Variants in SORBS2 observed in about 807,000 individuals in gnomAD.
The protein encoded by SORBS2 is sorbin and SH3 domain containing 2, also known as sorbin and SH3 domain-containing protein 2.
SORBS2 carries 46 observed loss-of-function variants against 97.7 expected under a neutral mutation model. That is an observed-to-expected ratio of 0.47 (90% CI 0.37 to 0.60). The LOEUF (loss-of-function observed/expected upper bound fraction) is 0.60. Among genes scored for constraint, SORBS2 ranks in the 20% least tolerant of loss-of-function variants. SORBS2 has a pLI of 0.00. For missense variants in SORBS2, 1,316 were observed against 1,282.3 expected, an observed-to-expected ratio of 1.03 and a Z score of -0.40; for synonymous variants, 476 against 473.4, an observed-to-expected ratio of 1.01 and a Z score of -0.07.
At chr4:185,696,643 T>C (rs1013787832) in intron 2 of SORBS2, among the ~76,000 whole-genome samples, 3 of 152,144 alleles carry the variant, frequency 2.0e-5, no homozygotes, top group Non-Finnish European at 4.4e-5. Flanking sequence ...GGTTTCACCA[T>C]GTTGGCCAGG....
Position 185,865,242 on chromosome 4 carries a change from C to T in SORBS2, c.-337-89876G>A, listed in dbSNP as rs572872080. Among the ~76,000 whole-genome samples, 13 of 152,288 alleles carry T rather than the reference C, an allele frequency of 8.5e-5. No individual in the cohort carries two copies. In the South Asian group the frequency reaches 2.7e-3, roughly 32 times the overall value. ...CAACCTCCAACTCAAGTGACGGAAA[C>T]GTTAAGAGGTGCGGTGACAACAGCG... On this transcript the variant is annotated intron_variant, in intron 1 of 20. Coordinates refer to the SORBS2 transcript ENST00000284776.
At chr4:185,843,100 TG>T (rs1336764275) in intron 1 of SORBS2, among the ~76,000 whole-genome samples, 1 of 151,936 alleles carries the variant, frequency 6.6e-6, no homozygotes, top group African/African-American at 2.4e-5. Flanking sequence ...ACAGGGAGTG[TG>T]GGTAGAAAGA....
chr4:185,729,381 AGGGTTTCCATCCGTATT>A, intron 2 of SORBS2, among the ~76,000 whole-genome samples: 1 of 152,216 alleles, frequency 6.6e-6, no homozygotes, highest in East Asian at 1.9e-4. Context: ...AACTATAGAC[AGGGTTTCCATCCGTATT>A]TCCATTTTCT....
intron 4 of SORBS2, among the ~76,000 whole-genome samples, chr4:185,634,786 A>G (rs1028832403): frequency 1.6e-4 from 24 of 152,126 alleles, no homozygotes; most frequent in Admixed American, 5.9e-4. Flanking sequence ...CCTGGATTAC[A>G]GTGTTGAAAA....
rs1199211524 is a variant in SORBS2, at chr4:185,908,326, T to G, written c.-338+47870A>C. Among the ~76,000 whole-genome samples, 3 of 138,136 alleles carry G rather than the reference T, an allele frequency of 2.2e-5. 1 individual carries two copies. Among genetic ancestry groups the G allele is most frequent in the African/African-American group, 5.2e-5 (2 of 38,604 alleles). 90.6% of individuals were successfully genotyped at this position (138,136 alleles called of 152,430 possible). Reference sequence around the variant, plus strand: ...ATATATATATATATATATATATTTGTATACACACAAATATATATATATACA... The same window carrying G: ...ATATATATATATATATATATATTTGGATACACACAAATATATATATATACA... On this transcript the variant is annotated intron_variant, in intron 1 of 20. Transcript: ENST00000284776.
At chr4:185,882,091 G>T (rs747942651) in intron 1 of SORBS2, among the ~76,000 whole-genome samples, 1 of 151,704 alleles carries the variant, frequency 6.6e-6, no homozygotes, top group Non-Finnish European at 1.5e-5. Context: ...ATTATATTTG[G>T]TATCTTTTGA....
chr4:185,921,280 G>A (rs1359189912), intron 1 of SORBS2, among the ~76,000 whole-genome samples: 2 of 152,168 alleles, frequency 1.3e-5, no homozygotes, highest in Admixed American at 1.3e-4. Context: ...ATACCGTAAG[G>A]ATTAGCTAAG....
chr4:185,870,956 T>A (rs185190460), intron 1 of SORBS2, among the ~76,000 whole-genome samples: 154 of 152,276 alleles, frequency 1.0e-3, no homozygotes, highest in African/African-American at 3.6e-3. Flanking sequence ...TTAGCTTCTC[T>A]CCATATGCAC....
intron 1 of SORBS2, among the ~76,000 whole-genome samples, chr4:185,785,730 C>A (rs571723466): frequency 6.6e-6 from 1 of 152,318 alleles, no homozygotes; most frequent in South Asian, 2.1e-4. Flanking sequence ...TCACAGGAGG[C>A]CCTCCCCACG....
At chr4:185,681,311 G>A (rs1417848724) in intron 2 of SORBS2, among the ~76,000 whole-genome samples, 2 of 151,846 alleles carry the variant, frequency 1.3e-5, no homozygotes, top group Non-Finnish European at 2.9e-5. Context: ...TATCCCTGCA[G>A]GAAAGACTAG....
intron 1 of SORBS2, among the ~76,000 whole-genome samples, chr4:185,868,304 G>C (rs13147028): frequency 0.19 from 28,957 of 150,888 alleles, 3,692 homozygotes; most frequent in East Asian, 0.54. Context: ...TTACAGGCGT[G>C]TGCCACCATG....
chr4:185,915,221 C>G (rs776835825), intron 1 of SORBS2, among the ~76,000 whole-genome samples: 1 of 152,178 alleles, frequency 6.6e-6, no homozygotes, highest in Non-Finnish European at 1.5e-5. Flanking sequence ...AATAAAGAGA[C>G]CCGAATGGAA....
chr4:185,638,175 T>TGAAGGAAAAGG lies in SORBS2; in HGVS notation c.397-7588_397-7578dup, dbSNP rs753549982. 3.2e-6 allele frequency: 5 copies of TGAAGGAAAAGG among 1,553,970 alleles called. No homozygotes were observed. In the South Asian group the frequency reaches 4.5e-5, roughly 14 times the overall value. ...TTATGCGATCAGTCTAGAGCAGATG[T>TGAAGGAAAAGG]GAAGGAAAAGGGAAGGAAAAGGCAC... On this transcript the variant is annotated intron_variant, in intron 4 of 14. Coordinates refer to ENST00000418609, the Ensembl canonical transcript of SORBS2.
chr4:185,814,809 GC>G (rs2099192286), intron 1 of SORBS2, among the ~76,000 whole-genome samples: 1 of 152,194 alleles, frequency 6.6e-6, no homozygotes. Flanking sequence ...TCACTCTGCT[GC>G]CAGTCTGTTC....
At chr4:185,851,045 C>A (rs1239582426) in intron 1 of SORBS2, among the ~76,000 whole-genome samples, 1 of 152,166 alleles carries the variant, frequency 6.6e-6, no homozygotes, top group African/African-American at 2.4e-5. Context: ...CTCCAGCTTG[C>A]AGACAGCAGA....
intron 12 of SORBS2, 100 bp downstream of exon 24, chr4:185,611,680 C>T (rs998269076): frequency 2.2e-6 from 2 of 893,760 alleles, no homozygotes; most frequent in South Asian, 1.7e-5. Context: ...TCTTTCTCTG[C>T]AATAGATATG....
chr4:185,809,590 A>G (rs1166896281), intron 1 of SORBS2, among the ~76,000 whole-genome samples: 1 of 152,056 alleles, frequency 6.6e-6, no homozygotes, highest in African/African-American at 2.4e-5. Flanking sequence ...CGAAAGTGCA[A>G]AGTCTTGAAG....
rs115169191 is a variant in SORBS2 at position 185,784,256 on chromosome 4, C to A, written c.-337-8890G>T. The stretch of plus-strand genomic sequence containing the variant: ...ACACCATTCTCCTGCCTCAGCCTCC[C>A]GAGTAGCTGGGACTACAGGCACCTG... On this transcript the variant is annotated intron_variant, in intron 1 of 20. Coordinates refer to the SORBS2 transcript ENST00000284776. Among the ~76,000 whole-genome samples, 482 of 152,212 alleles carry A rather than the reference C, an allele frequency of 3.2e-3. 2 individuals are homozygous for A. Among genetic ancestry groups the A allele is most frequent in the African/African-American group, 0.011 (458 of 41,520 alleles).
chr4:185,906,499 CA>C (rs758621361), intron 1 of SORBS2, among the ~76,000 whole-genome samples: 149 of 152,248 alleles, frequency 9.8e-4, no homozygotes, highest in Non-Finnish European at 1.9e-3. Context: ...GGGTCAAAAC[CA>C]AAACATTTAA....
Sources: gnomAD v4.1 joint callset for allele counts (sites outside exome capture counted in the v4.1 genomes callset) on GRCh38, gnomAD v4.1.1 for gene constraint, MANE v1.5 for transcripts, NCBI Gene and HGNC (gene_info 2026-07-23, HGNC 2026-07-21) for gene names.